Variants in EPHA1 observed in about 807,000 individuals in gnomAD.
The protein encoded by EPHA1 is EPH receptor A1.
Under a neutral mutation model 110.1 loss-of-function variants are expected in EPHA1, and 92 were observed. The observed-to-expected ratio is 0.84, with a 90% CI of 0.71 to 0.99. The LOEUF is 0.99. Among genes scored for constraint, EPHA1 ranks in the 50% least tolerant of loss-of-function variants. The probability of loss-of-function intolerance (pLI) is 0.00; values close to 1 mark genes in which losing one functional copy is unlikely to be tolerated. For synonymous variants in EPHA1, 500 were observed against 516.1 expected (o/e 0.97, Z 0.42); for missense variants, 1,204 against 1,285.4 (o/e 0.94, Z 0.97).
intron 2 of EPHA1, among the ~76,000 whole-genome samples, chr7:143,402,134 G>A (rs568125084): frequency 8.3e-5 from 12 of 145,182 alleles, no homozygotes; most frequent in African/African-American, 1.5e-4. Context: ...TTGCTATGCT[G>A]TCCAGGCTGA....
Position 143,393,774 on chromosome 7 carries a change from A to G in EPHA1, c.2593T>C (p.Tyr865His). 6.2e-7 allele frequency: 1 copy of G among 1,613,060 alleles called. No individual in the cohort carries two copies. Among genetic ancestry groups the G allele is most frequent in the Non-Finnish European group, 8.5e-7 (1 of 1,179,536 alleles). ...LYELMKNCWA[Y>H]DRARRPHFQK... Reference sequence around the variant, plus strand: ...AAGTGTGGCCGGCGGGCACGGTCATATGCCCAGCAGTTCTTCATGAGCTCA... The same window carrying G: ...AAGTGTGGCCGGCGGGCACGGTCATGTGCCCAGCAGTTCTTCATGAGCTCA... Residue 865 changes from tyrosine (Y) to histidine (H), a missense_variant, in exon 16 of 18, where the codon TAT becomes CAT. Transcript: ENST00000275815. This position sits in a 1 kb window ranked among gnomAD's most constrained non-coding sequence, Gnocchi z 5.6.
chr7:143,397,652 T>C lies in EPHA1; in HGVS notation c.1621A>G (p.Arg541Gly). 3 of 1,614,116 alleles carry C rather than the reference T, an allele frequency of 1.9e-6. No homozygotes were observed. The highest frequency in any genetic ancestry group is 2.5e-6 in the Non-Finnish European group (3 of 1,180,002). The part of the protein sequence containing the change: ...HEFRTSPPVS[R>G]GLTGGEIVAV... ...ACAATCTCTCCTCCAGTCAGGCCCC[T>C]GGACACTGTAGGCACAAAGGGATGA... The change falls in exon 9 of 18, where the codon AGG (arginine) becomes GGG (glycine). Residue 541 changes from arginine to glycine, a missense_variant. By Grantham distance (125) the Arg-to-Gly change is moderately radical. Transcript: ENST00000275815.
At chr7:143,400,183 G>T in intron 3 of EPHA1, 130 bp from the exon 4 acceptor site, 2 of 1,132,406 alleles carry the variant, frequency 1.8e-6, no homozygotes, top group African/African-American at 1.6e-5. Context: ...TGAGGTGCCA[G>T]GCTAAGCATT....
In EPHA1 at chr7:143,397,539, G is replaced by GC. The variant is rs780762492; in HGVS notation, c.1712+21_1712+22insG. ...GCTTCTGACCCAGGGCTGGTGGTTG[G>GC]GGAGGGGGCAGGAGCTGGCACCTGG... is the stretch of plus-strand genomic sequence containing the variant. On this transcript the variant is annotated intron_variant, in intron 9 of 17. Coordinates refer to ENST00000275815, the MANE Select transcript of EPHA1 (RefSeq NM_005232.5). The GC allele has an allele frequency of 3.1e-6, 5 of 1,613,170 alleles. No homozygotes were observed. The Admixed American group carries it at 8.3e-5, about 27-fold the overall frequency.
In EPHA1 at chr7:143,391,786, T is replaced by C. The variant is rs199838916; in HGVS notation, c.2697-11A>G. Reference sequence around the variant, plus strand: ...AGGCGAAGAGTCATCCTGTGGGACATGGGCATGTCAGTCACAGCGGGTACA... The same window carrying C: ...AGGCGAAGAGTCATCCTGTGGGACACGGGCATGTCAGTCACAGCGGGTACA... On this transcript the variant is annotated splice_polypyrimidine_tract_variant and intron_variant, in intron 16 of 17. Coordinates refer to ENST00000275815, the MANE Select transcript of EPHA1 (RefSeq NM_005232.5). 19 of 1,613,048 alleles carry C rather than the reference T, an allele frequency of 1.2e-5. No homozygotes were observed. Among genetic ancestry groups the C allele is most frequent in the Admixed American group, 3.3e-5 (2 of 60,002 alleles).
chr7:143,404,816 T>TCCTCTG (rs1805501342), intron 2 of EPHA1, among the ~76,000 whole-genome samples: 1 of 152,148 alleles, frequency 6.6e-6, no homozygotes, highest in African/African-American at 2.4e-5. Flanking sequence ...CAGATGAATT[T>TCCTCTG]TCAAAAGCTC....
chr7:143,394,665 C>G, intron 14 of EPHA1, 143 bp downstream of exon 14: 1 of 977,092 alleles, frequency 1.0e-6, no homozygotes, highest in Non-Finnish European at 1.5e-6. Context: ...TGTGATCCAC[C>G]TGCCTCGGCC....
intron 5 of EPHA1, 93 bp from the exon 6 acceptor site, chr7:143,399,038 CCT>C: frequency 1.6e-6 from 2 of 1,261,470 alleles, no homozygotes; most frequent in Non-Finnish European, 2.2e-6. Context: ...TTCTCGATGT[CCT>C]CTGAAGTCCT....
In EPHA1 at chr7:143,398,748, G is replaced by C; in HGVS notation, c.1189C>G (p.Arg397Gly). 3.7e-6 allele frequency: 6 copies of C among 1,614,006 alleles called. No individual in the cohort carries two copies. Among genetic ancestry groups the C allele is most frequent in the Non-Finnish European group, 5.1e-6 (6 of 1,179,988 alleles). Residue 397 changes from arginine to glycine, a missense_variant, in exon 6 of 18, where the codon CGG becomes GGG. Arg to Gly is a moderately radical substitution (Grantham distance 125). Coordinates refer to ENST00000275815, the MANE Select transcript of EPHA1 (RefSeq NM_005232.5). ...TGCACTGCAGGTGTGGTGAGCCCCC[G>C]GGCCCCCGGCGAGAAGTGCACGCCC... ...GVGVHFSPGA[R>G]GLTTPAVHVN...
At chr7:143,397,042 G>A (rs1805271095) in intron 10 of EPHA1, among the ~76,000 whole-genome samples, 2 of 152,196 alleles carry the variant, frequency 1.3e-5, no homozygotes, top group African/African-American at 2.4e-5. Context: ...TGACAAGACA[G>A]CGGCACCAGC....
chr7:143,391,808 TACA>T, intron 16 of EPHA1, 33 bp from the exon 17 acceptor site: 1 of 1,609,032 alleles, frequency 6.2e-7, no homozygotes, highest in South Asian at 1.1e-5. Context: ...TCACAGCGGG[TACA>T]TGGGCTGATC....
rs564687025 is a variant in EPHA1, at chr7:143,397,490, G to T, written c.1712+71C>A. Reference sequence around the variant, plus strand: ...TGGGTTTTGATACTAGGGGATGGGAGGGTCGTTGGGGCTGCAGTCAGGGGC... The same window carrying T: ...TGGGTTTTGATACTAGGGGATGGGATGGTCGTTGGGGCTGCAGTCAGGGGC... On this transcript the variant is annotated intron_variant, in intron 9 of 17. Coordinates refer to ENST00000275815, the MANE Select transcript of EPHA1 (RefSeq NM_005232.5). 4 of 1,594,730 alleles carry T rather than the reference G, an allele frequency of 2.5e-6. No homozygotes were observed. The South Asian group carries it at 4.4e-5, about 18-fold the overall frequency.
At position 143,401,978 on chromosome 7, in the gene EPHA1, C is replaced by T. The variant is rs1563119877; in HGVS notation, c.151-373G>A. Among the ~76,000 whole-genome samples the T allele has an allele frequency of 2.0e-5, 3 of 152,158 alleles. No individual in the cohort carries two copies. The highest frequency in any genetic ancestry group is 7.2e-5 in the African/African-American group (3 of 41,432). On this transcript the variant is annotated intron_variant, in intron 2 of 17. Coordinates refer to ENST00000275815, the MANE Select transcript of EPHA1 (RefSeq NM_005232.5). The surrounding 1 kb of genome is among the most constrained non-coding windows in gnomAD (Gnocchi z 4.1). ...TGTTTTTCAGAGACAGGGTCTCGTT[C>T]TGTCTGCAGCGCAGTGGTATAATCA...
At chr7:143,405,214 G>A (rs965700825) in intron 2 of EPHA1, among the ~76,000 whole-genome samples, 2 of 152,078 alleles carry the variant, frequency 1.3e-5, no homozygotes, top group African/African-American at 2.4e-5. Flanking sequence ...GGTGGTGAGT[G>A]GTTAACGTGC....
chr7:143,392,630 C>G (rs1805121366), intron 16 of EPHA1, among the ~76,000 whole-genome samples: 1 of 151,810 alleles, frequency 6.6e-6, no homozygotes, highest in East Asian at 1.9e-4. Context: ...GTCCCCCCAT[C>G]CTGTGGACAG....
chr7:143,397,393 G>A, intron 9 of EPHA1, 31 bp from the exon 10 acceptor site: 1 of 1,549,310 alleles, frequency 6.5e-7, no homozygotes, highest in Non-Finnish European at 8.7e-7. Flanking sequence ...CTCCTTCAGG[G>A]CCCCAGGACC....
chr7:143,407,673 G>C lies in EPHA1; in HGVS notation c.88C>G (p.Leu30Val). The change falls in exon 2 of 18, where the codon CTG becomes GTG. Residue 30 changes from leucine to valine, a missense_variant. Transcript: ENST00000275815. ...CCCTGTGCCTTGCTTGTGTCCATCA[G>C]AGTAACTGAAAGTGGGGAGAAAAGA... Reference protein sequence around the residue: ...PPGARAKEVTLMDTSKAQGEL... With the variant: ...PPGARAKEVTVMDTSKAQGEL... 6.2e-7 allele frequency: 1 copy of C among 1,613,262 alleles called. No homozygotes were observed. Among genetic ancestry groups the C allele is most frequent in the Non-Finnish European group, 8.5e-7 (1 of 1,179,600 alleles).
Position 143,401,438 on chromosome 7 carries a change from G to C in EPHA1, c.318C>G (p.Cys106Trp). 6.2e-7 allele frequency: 1 copy of C among 1,614,116 alleles called. No individual in the cohort carries two copies. The highest frequency in any genetic ancestry group is 8.5e-7 in the Non-Finnish European group (1 of 1,180,046). The change falls in exon 3 of 18, where the codon TGC becomes TGG. Residue 106 changes from cysteine (C) to tryptophan (W), a missense_variant. Transcript: ENST00000275815. This position sits in a 1 kb window ranked among gnomAD's most constrained non-coding sequence, Gnocchi z 4.1. ...GCCCGGCTCCCCCAGGGAAACTCTTGCAGTCCCGCACGGTGAACTGCAGCT... is the reference window on the plus strand; with the variant it reads ...GCCCGGCTCCCCCAGGGAAACTCTTCCAGTCCCGCACGGTGAACTGCAGCT... ...HVELQFTVRD[C>W]KSFPGGAGPL...
intron 10 of EPHA1, chr7:143,396,804 C>T: frequency 2.6e-6 from 1 of 384,192 alleles, no homozygotes; most frequent in Admixed American, 3.6e-5. Context: ...AGCGGCCAGT[C>T]CCCACACTGC....
Sources: gnomAD v4.1 joint callset for allele counts (sites outside exome capture counted in the v4.1 genomes callset) on GRCh38, gnomAD v4.1.1 for gene constraint, Gnocchi (gnomAD v3.1) non-coding constraint, MANE v1.5 for transcripts, NCBI Gene and HGNC (gene_info 2026-07-23, HGNC 2026-07-21) for gene names.